CACNB4: variants seen among roughly 807,000 people sequenced by gnomAD.
The protein encoded by CACNB4 is voltage-dependent L-type calcium channel subunit beta-4.
A neutral mutation model predicts 71.2 loss-of-function variants in CACNB4; 32 were observed. The observed-to-expected ratio is 0.45, with a 90% CI of 0.34 to 0.60. CACNB4 has a LOEUF of 0.60. Ranked by LOEUF, CACNB4 falls within the 20% of genes least tolerant of loss-of-function variation. The probability of loss-of-function intolerance (pLI) is 0.01; values close to 1 mark genes in which losing one functional copy is unlikely to be tolerated. For synonymous variants in CACNB4, 231 were observed against 236.9 expected, an observed-to-expected ratio of 0.97 and a Z score of 0.23; for missense variants, 464 against 647.9, an observed-to-expected ratio of 0.72 and a Z score of 3.08.
chr2:152,046,143 C>T (rs1394480727), intron 2 of CACNB4, among the ~76,000 whole-genome samples: 1 of 152,056 alleles, frequency 6.6e-6, no homozygotes, highest in African/African-American at 2.4e-5. Flanking sequence ...AAGGAAGTGG[C>T]AATTATTTTA....
intron 2 of CACNB4, among the ~76,000 whole-genome samples, chr2:151,904,538 CTTT>C (rs11347936): frequency 3.4e-4 from 43 of 127,564 alleles, no homozygotes; most frequent in Admixed American, 1.1e-3. Flanking sequence ...AGAGATAACT[CTTT>C]TTTTTTTTTT....
intron 2 of CACNB4, among the ~76,000 whole-genome samples, chr2:152,058,235 G>A (rs1346816425): frequency 2.0e-5 from 3 of 152,152 alleles, no homozygotes; most frequent in Non-Finnish European, 4.4e-5. Flanking sequence ...CTTCACAGCA[G>A]TATGAAAACA....
chr2:151,889,145 C>T (rs147032693), intron 2 of CACNB4, among the ~76,000 whole-genome samples: 48 of 152,248 alleles, frequency 3.2e-4, no homozygotes, highest in East Asian at 2.9e-3. Flanking sequence ...GATAAACGAA[C>T]GCTAATCTTG....
In CACNB4 at chr2:151,869,222, A is replaced by G. The variant is rs1424281464; in HGVS notation, c.713T>C (p.Met238Thr). Residue 238 changes from methionine to threonine, a missense_variant, in exon 9 of 14, where the codon ATG becomes ACG. Transcript: ENST00000539935. ...CAGGAAATCAAAGAGGGCTTTCTGC[A>G]TCATGTCTGTTACCTTTGCAGAGGT... ...SLKGYEVTDM[M>T]QKALFDFLKH... The G allele has an allele frequency of 3.2e-6, 5 of 1,566,092 alleles. No homozygotes were observed. The Admixed American group carries it at 7.4e-5, about 23-fold the overall frequency.
chr2:151,996,952 G>A (rs761397365), intron 2 of CACNB4, among the ~76,000 whole-genome samples: 7 of 152,074 alleles, frequency 4.6e-5, no homozygotes, highest in Non-Finnish European at 1.0e-4. Flanking sequence ...CACAAACCTA[G>A]TCCCTAGGGA....
chr2:151,950,607 C>G (rs544475550), intron 2 of CACNB4, among the ~76,000 whole-genome samples: 21 of 152,230 alleles, frequency 1.4e-4, no homozygotes, highest in African/African-American at 5.1e-4. Context: ...GCTATCTAAC[C>G]ATAAATGGAA....
chr2:151,869,463 G>A, intron 8 of CACNB4: 1 of 450,244 alleles, frequency 2.2e-6, no homozygotes, highest in Non-Finnish European at 4.0e-6. Context: ...GAATAAACCA[G>A]CAGTGTTCAC....
At position 152,077,090 on chromosome 2, in the gene CACNB4, C is replaced by A. The variant is rs1009191577; in HGVS notation, c.147+21240G>T. On this transcript the variant is annotated intron_variant, in intron 2 of 13. Coordinates refer to ENST00000539935, the MANE Select transcript of CACNB4 (RefSeq NM_000726.5). ...GCATTCCAGAAGGAGAGCAGAAGTGCTAAGGCCTGGAGGCAGGACTAATCT... is the reference window on the plus strand; with the variant it reads ...GCATTCCAGAAGGAGAGCAGAAGTGATAAGGCCTGGAGGCAGGACTAATCT... Among the ~76,000 whole-genome samples, 5 of 152,314 alleles carry A rather than the reference C, an allele frequency of 3.3e-5. No homozygotes were observed. In the East Asian group the frequency reaches 7.7e-4, roughly 24 times the overall value.
chr2:151,920,383 C>T (rs1453943315), intron 2 of CACNB4, among the ~76,000 whole-genome samples: 5 of 137,034 alleles, frequency 3.6e-5, no homozygotes, highest in Non-Finnish European at 6.1e-5. Context: ...GGTACAGTGG[C>T]ACAATGTTGG....
intron 2 of CACNB4, among the ~76,000 whole-genome samples, chr2:152,092,470 G>T (rs1341535328): frequency 6.6e-6 from 1 of 152,130 alleles, no homozygotes; most frequent in Non-Finnish European, 1.5e-5. Flanking sequence ...TTGAATTATT[G>T]TAACGATCAT....
intron 2 of CACNB4, among the ~76,000 whole-genome samples, chr2:151,931,655 A>T (rs2099861662): frequency 6.6e-6 from 1 of 152,090 alleles, no homozygotes; most frequent in African/African-American, 2.4e-5. Context: ...TGGGGGGGTG[A>T]CCTCTTTCAT....
chr2:152,074,154 C>G (rs1021646255), intron 2 of CACNB4, among the ~76,000 whole-genome samples: 6 of 151,972 alleles, frequency 3.9e-5, no homozygotes, highest in African/African-American at 1.5e-4. Context: ...GCAGGCTGAG[C>G]AACAGAGGTG....
At chr2:151,915,212 T>G (rs968265393) in intron 2 of CACNB4, among the ~76,000 whole-genome samples, 2 of 152,022 alleles carry the variant, frequency 1.3e-5, no homozygotes, top group African/African-American at 4.8e-5. Context: ...CCTCACCCAA[T>G]GAGTAAGGAT....
intron 2 of CACNB4, among the ~76,000 whole-genome samples, chr2:151,958,913 G>GA (rs1418565906): frequency 2.0e-5 from 3 of 152,258 alleles, no homozygotes; most frequent in Non-Finnish European, 4.4e-5. Flanking sequence ...TGTGATCACA[G>GA]AAAAAGGGCT....
intron 2 of CACNB4, among the ~76,000 whole-genome samples, chr2:152,076,037 A>G (rs1421078924): frequency 6.6e-6 from 1 of 152,088 alleles, no homozygotes; most frequent in Non-Finnish European, 1.5e-5. Context: ...GCATTTTGTC[A>G]TAAGGTCTTT....
chr2:152,023,862 G>A (rs1683817443), intron 2 of CACNB4, among the ~76,000 whole-genome samples: 1 of 152,238 alleles, frequency 6.6e-6, no homozygotes, highest in Non-Finnish European at 1.5e-5. Context: ...TTATCACAAA[G>A]TCAAAACAAG....
At chr2:151,966,440 C>T (rs1237949451) in intron 2 of CACNB4, among the ~76,000 whole-genome samples, 5 of 151,994 alleles carry the variant, frequency 3.3e-5, no homozygotes, top group Non-Finnish European at 7.4e-5. Flanking sequence ...ACCACCACGC[C>T]CAACTAATTT....
chr2:152,095,902 C>T (rs1688241348), intron 2 of CACNB4, among the ~76,000 whole-genome samples: 1 of 152,174 alleles, frequency 6.6e-6, no homozygotes, highest in Non-Finnish European at 1.5e-5. Context: ...ATCCGCCCAC[C>T]TCAGCCTCCC....
chr2:152,029,234 C>T (rs1030434491), intron 2 of CACNB4, among the ~76,000 whole-genome samples: 2 of 151,916 alleles, frequency 1.3e-5, no homozygotes, highest in African/African-American at 4.8e-5. Flanking sequence ...GTGGCTCACG[C>T]CTGTAATCCC....
Sources: allele counts gnomAD v4.1 joint callset (sites outside exome capture counted in the v4.1 genomes callset), GRCh38; gene constraint gnomAD v4.1.1; transcripts MANE v1.5; gene names NCBI Gene and HGNC (gene_info 2026-07-23, HGNC 2026-07-21).